The following VPS4B variants were observed in gnomAD, a reference collection of about 807,000 sequenced individuals.
VPS4B encodes vacuolar protein sorting 4 homolog B, also known as vacuolar protein sorting-associated protein 4B.
Under a neutral mutation model 56.1 loss-of-function variants are expected in VPS4B, and 23 were observed. The observed-to-expected ratio is 0.41, with a 90% CI of 0.30 to 0.58. The LOEUF (loss-of-function observed/expected upper bound fraction) is 0.58, where lower values mean the gene tolerates loss of function less well. Among genes scored for constraint, VPS4B ranks in the 20% least tolerant of loss-of-function variants. The probability of loss-of-function intolerance (pLI) is 0.29; values close to 1 mark genes in which losing one functional copy is unlikely to be tolerated. For missense variants in VPS4B, 372 were observed against 531.9 expected, an observed-to-expected ratio of 0.70 and a Z score of 2.96; for synonymous variants, 177 against 186.0, an observed-to-expected ratio of 0.95 and a Z score of 0.39.
chr18:63,399,621 T>C (rs181041385), intron 7 of VPS4B, among the ~76,000 whole-genome samples: 6 of 152,328 alleles, frequency 3.9e-5, no homozygotes, highest in African/African-American at 1.4e-4. Flanking sequence ...ACATATTACT[T>C]TTACTGAAGT....
At chr18:63,420,507 A>G (rs1309485282) in intron 1 of VPS4B, among the ~76,000 whole-genome samples, 1 of 152,190 alleles carries the variant, frequency 6.6e-6, no homozygotes, top group African/African-American at 2.4e-5. Flanking sequence ...TCGAAATCAC[A>G]TGCAAAGTCT....
intron 5 of VPS4B, among the ~76,000 whole-genome samples, chr18:63,401,312 T>G (rs1915801736): frequency 6.6e-6 from 1 of 152,154 alleles, no homozygotes; most frequent in African/African-American, 2.4e-5. Context: ...TGGAGGGCAG[T>G]GGTGCGATCT....
intron 3 of VPS4B, 116 bp downstream of exon 3, chr18:63,410,174 A>T: frequency 7.4e-7 from 1 of 1,345,340 alleles, no homozygotes; most frequent in Non-Finnish European, 1.0e-6. Flanking sequence ...AAAAACAGGC[A>T]GCTGGGCAGC....
chr18:63,399,197 G>C (rs745945220), intron 8 of VPS4B, 45 bp downstream of exon 8: 2 of 1,479,656 alleles, frequency 1.4e-6, no homozygotes, highest in Non-Finnish European at 1.9e-6. Context: ...TCATCTACTT[G>C]TTACATCTGC....
At position 63,397,066 on chromosome 18, in the gene VPS4B, T is replaced by G. The variant is rs762571650; in HGVS notation, c.1060A>C (p.Arg354=). ...IVRDALMQPV[R]KVQSATHFKK... ...AAATGAGTAGCTGACTGTACTTTCC[T>G]AACAGGCTGCATAAGGGCATCACGT... The change falls in exon 9 of 11, where the codon AGG becomes CGG. Residue 354 remains arginine (R), a synonymous_variant. Coordinates refer to ENST00000238497, the MANE Select transcript of VPS4B (RefSeq NM_004869.4). 1.6e-5 allele frequency: 26 copies of G among 1,613,884 alleles called. No homozygotes were observed. The East Asian group carries it at 5.3e-4, about 33-fold the overall frequency.
rs1332614927 is a variant in VPS4B at position 63,390,599 on chromosome 18, T to C, written c.*376A>G. ...TGATGTTTAACAATTTTTTTGAAAA[T>C]ATAAAATAAACCCTATATCATTTTA... On this transcript the variant is annotated 3_prime_UTR_variant, in exon 11 of 11. Coordinates refer to ENST00000238497, the MANE Select transcript of VPS4B (RefSeq NM_004869.4). 2.0e-5 allele frequency: 3 copies of C among 152,944 alleles called. No homozygotes were observed. The highest frequency in any genetic ancestry group is 7.3e-5 in the African/African-American group (3 of 41,340). The allele number at this position is 152,944 out of a possible 1,614,324, so 9.5% of individuals were successfully genotyped here. A position where few individuals can be genotyped will look rare whatever the true frequency, so the allele number is the denominator to read the frequency against.
At position 63,390,710 on chromosome 18, in the gene VPS4B, C is replaced by A; in HGVS notation, c.*265G>T. 1 of 203,742 alleles carries A rather than the reference C, an allele frequency of 4.9e-6. No individual in the cohort carries two copies. Among genetic ancestry groups the A allele is most frequent in the Non-Finnish European group, 9.7e-6 (1 of 102,576 alleles). The allele number at this position is 203,742 out of a possible 1,614,324, so 12.6% of individuals were successfully genotyped here. A position where few individuals can be genotyped will look rare whatever the true frequency, so the allele number is the denominator to read the frequency against. On this transcript the variant is annotated 3_prime_UTR_variant, in exon 11 of 11. Coordinates refer to ENST00000238497, the MANE Select transcript of VPS4B (RefSeq NM_004869.4). Reference sequence around the variant, plus strand: ...ATATTTGTATGTCAATTTCTGACATCCTTTTTACTGGGTAATTTCTGTTTT... The same window carrying A: ...ATATTTGTATGTCAATTTCTGACATACTTTTTACTGGGTAATTTCTGTTTT...
chr18:63,391,721 G>A (rs996409431), intron 10 of VPS4B, among the ~76,000 whole-genome samples: 1 of 152,110 alleles, frequency 6.6e-6, no homozygotes, highest in Non-Finnish European at 1.5e-5. Context: ...TTTCTTAAAC[G>A]AGATCAATTT....
At chr18:63,407,565 GA>G in intron 3 of VPS4B, 66 bp from the exon 4 acceptor site, 2 of 1,277,900 alleles carry the variant, frequency 1.6e-6, no homozygotes, top group South Asian at 1.4e-5. Flanking sequence ...AAAAATGAAG[GA>G]AAAATTAACC....
rs770606245 is a variant in VPS4B, at chr18:63,399,997, C to T, written c.790+51G>A. ...TCGCGCCACTGCACTCCAGCCTGGG[C>T]GACAGAGTGAGACTCCGTCTCAAAA... On this transcript the variant is annotated intron_variant, in intron 7 of 10. Transcript: ENST00000238497. 150 of 1,551,192 alleles carry T rather than the reference C, an allele frequency of 9.7e-5. 1 individual carries two copies. In the South Asian group the frequency reaches 1.4e-3, roughly 15 times the overall value.
Position 63,397,222 on chromosome 18 carries a change from C to G in VPS4B, c.904G>C (p.Glu302Gln). Residue 302 changes from glutamate (E) to glutamine (Q), a missense_variant, in exon 9 of 11, where the codon GAA (glutamate) becomes CAA (glutamine). Around this residue, in one of 3 missense-constraint regions of VPS4B, gnomAD observed 153 missense variants for 190.9 expected, o/e 0.80. Transcript: ENST00000238497. Reference protein sequence around the residue: ...FEKRIYIPLPEPHARAAMFKL... With the variant: ...FEKRIYIPLPQPHARAAMFKL... ...AACATTGCTGCTCGGGCATGGGGTTCCGGCAAGGGAATATAAATTCGTTTC... is the reference window on the plus strand; with the variant it reads ...AACATTGCTGCTCGGGCATGGGGTTGCGGCAAGGGAATATAAATTCGTTTC... The G allele has an allele frequency of 6.2e-7, 1 of 1,607,914 alleles. No homozygotes were observed. Among genetic ancestry groups the G allele is most frequent in the Non-Finnish European group, 8.5e-7 (1 of 1,177,518 alleles).
At chr18:63,398,204 C>CACACACACACATATATATATATATAT (rs1298374245) in intron 8 of VPS4B, among the ~76,000 whole-genome samples, 5 of 112,444 alleles carry the variant, frequency 4.4e-5, no homozygotes, top group African/African-American at 1.6e-4. Flanking sequence ...CACACACACA[C>CACACACACACATATATATATATATAT]ATATATATAT....
intron 4 of VPS4B, chr18:63,404,445 A>G (rs906070768): frequency 6.6e-6 from 1 of 152,320 alleles, no homozygotes; most frequent in Middle Eastern, 3.4e-3. Context: ...GATTTGCCCA[A>G]GTTTCTATTT....
rs1377257364 is a variant in VPS4B at position 63,400,153 on chromosome 18, A to G, written c.685T>C (p.Ser229Pro). Residue 229 changes from serine (S) to proline (P), a missense_variant, in exon 7 of 11, where the codon TCC becomes CCC. Ser to Pro is a moderately conservative substitution (Grantham distance 74). Coordinates refer to ENST00000238497, the MANE Select transcript of VPS4B (RefSeq NM_004869.4). ...LFQLARENKP[S>P]IIFIDEIDSL... ...TCAATTTCATCAATGAAGATAATGGAGGGCTTGTTCTCTCTGGCAAGTTGG... is the reference window on the plus strand; with the variant it reads ...TCAATTTCATCAATGAAGATAATGGGGGGCTTGTTCTCTCTGGCAAGTTGG... 1 of 1,613,346 alleles carries G rather than the reference A, an allele frequency of 6.2e-7. No individual in the cohort carries two copies. Among genetic ancestry groups the G allele is most frequent in the Non-Finnish European group, 8.5e-7 (1 of 1,179,726 alleles).
At chr18:63,419,366 G>A (rs952205598) in intron 1 of VPS4B, among the ~76,000 whole-genome samples, 2 of 151,780 alleles carry the variant, frequency 1.3e-5, no homozygotes, top group African/African-American at 2.4e-5. Flanking sequence ...ACCATAAGCC[G>A]AGATCATGCC....
Position 63,389,530 on chromosome 18 carries a change from T to C in VPS4B, c.*1445A>G, listed in dbSNP as rs1915495319. ...AATAGTCTTTTGCATGTATAGACAA[T>C]GCAATTCTACAAGGCACAACTCAGC... On this transcript the variant is annotated 3_prime_UTR_variant, in exon 11 of 11. Coordinates refer to ENST00000238497, the MANE Select transcript of VPS4B (RefSeq NM_004869.4). 2 of 152,668 alleles carry C rather than the reference T, an allele frequency of 1.3e-5. No homozygotes were observed. Among genetic ancestry groups the C allele is most frequent in the Non-Finnish European group, 1.5e-5 (1 of 68,040 alleles). The allele number at this position is 152,668 out of a possible 1,614,324, so 9.5% of individuals were successfully genotyped here.
intron 10 of VPS4B, among the ~76,000 whole-genome samples, chr18:63,392,496 T>A (rs539938726): frequency 9.9e-5 from 15 of 152,270 alleles, no homozygotes; most frequent in African/African-American, 3.4e-4. Context: ...TTGCCCAGGC[T>A]GGAGTGCAGT....
chr18:63,412,473 C>A (rs1916065606), intron 1 of VPS4B, among the ~76,000 whole-genome samples: 1 of 151,846 alleles, frequency 6.6e-6, no homozygotes, highest in African/African-American at 2.4e-5. Context: ...TAAAAAGTCC[C>A]AGAAATAAAT....
In VPS4B at chr18:63,400,243, TTAAAA is replaced by T. The variant is rs1915780228; in HGVS notation, c.642-52_642-48del. 3 of 1,536,144 alleles carry T rather than the reference TTAAAA, an allele frequency of 2.0e-6. No individual in the cohort carries two copies. In the African/African-American group the frequency reaches 4.3e-5, roughly 22 times the overall value. On this transcript the variant is annotated intron_variant, in intron 6 of 10. Transcript: ENST00000238497. Reference sequence around the variant, plus strand: ...TAAGTCTCTAAAAAATAGTAAAAGATTAAAACAAAGTAATATATCAATATTACAAG... The same window carrying T: ...TAAGTCTCTAAAAAATAGTAAAAGATCAAAGTAATATATCAATATTACAAG...
Sources: gnomAD v4.1 joint callset for allele counts (sites outside exome capture counted in the v4.1 genomes callset) on GRCh38, gnomAD v4.1.1 for gene constraint, gnomAD v4.1.1 regional missense constraint, MANE v1.5 for transcripts, NCBI Gene and HGNC (gene_info 2026-07-23, HGNC 2026-07-21) for gene names.